Variants in EPHB1 observed in about 807,000 individuals in gnomAD.
EPHB1 encodes ephrin type-B receptor 1.
In EPHB1, 30 loss-of-function variants were observed where a neutral mutation model predicts 94.4. The observed-to-expected ratio is 0.32, with a 90% CI of 0.24 to 0.43. The LOEUF (loss-of-function observed/expected upper bound fraction) is 0.43, where lower values mean the gene tolerates loss of function less well. EPHB1 is among the 20% of genes least tolerant of loss of function. The pLI, the probability that EPHB1 is intolerant of heterozygous loss-of-function variation, is 1.00. For missense variants in EPHB1, 1,055 were observed against 1,308.3 expected, an observed-to-expected ratio of 0.81 and a Z score of 2.99; for synonymous variants, 522 against 489.1, an observed-to-expected ratio of 1.07 and a Z score of -0.89.
intron 4 of EPHB1, among the ~76,000 whole-genome samples, chr3:135,131,876 C>G (rs73862020): frequency 0.043 from 6,544 of 152,178 alleles, 469 homozygotes; most frequent in African/African-American, 0.15. Context: ...TTTGGAATCC[C>G]GCAGGTATGG....
chr3:134,956,682 T>C (rs556041574), intron 3 of EPHB1, among the ~76,000 whole-genome samples: 6 of 152,256 alleles, frequency 3.9e-5, no homozygotes, highest in East Asian at 1.9e-4. Context: ...TCCCTTTTCA[T>C]TGACAGTCAT....
At chr3:134,921,715 G>C (rs1460071409) in intron 1 of EPHB1, among the ~76,000 whole-genome samples, 1 of 152,206 alleles carries the variant, frequency 6.6e-6, no homozygotes, top group African/African-American at 2.4e-5. Context: ...CATAGCTAAA[G>C]AGACTAAAAC....
chr3:135,083,198 G>T (rs1218533955), intron 3 of EPHB1, among the ~76,000 whole-genome samples: 1 of 152,154 alleles, frequency 6.6e-6, no homozygotes, highest in East Asian at 1.9e-4. Context: ...TCATGTCAGG[G>T]CATTGGGCTC....
At chr3:134,832,496 C>T (rs1282041644) in intron 1 of EPHB1, among the ~76,000 whole-genome samples, 1 of 152,332 alleles carries the variant, frequency 6.6e-6, no homozygotes, top group South Asian at 2.1e-4. Context: ...TGTCTTCTGG[C>T]TTCAGTCACC....
intron 5 of EPHB1, among the ~76,000 whole-genome samples, chr3:135,143,833 A>T (rs1940913627): frequency 6.6e-6 from 1 of 152,198 alleles, no homozygotes; most frequent in Admixed American, 6.5e-5. Flanking sequence ...TAGTTTTCAC[A>T]TAAATGGCAC....
At chr3:135,093,956 C>T (rs1054875110) in intron 3 of EPHB1, among the ~76,000 whole-genome samples, 3 of 152,184 alleles carry the variant, frequency 2.0e-5, no homozygotes, top group Non-Finnish European at 4.4e-5. Flanking sequence ...TATGGATGCA[C>T]TATAATTTAT....
Position 135,183,660 on chromosome 3 carries a change from T to A in EPHB1, c.1882+3678T>A, listed in dbSNP as rs74397855. On this transcript the variant is annotated intron_variant, in intron 10 of 15. Coordinates refer to ENST00000398015, the MANE Select transcript of EPHB1 (RefSeq NM_004441.5). ...TAGCCCTGGAGATGGGAGAGAAGGC[T>A]TGATGGCAGGAGAGGACTCAGGGAA... 4.8e-3 allele frequency among the ~76,000 whole-genome samples: 736 copies of A among 152,188 alleles called. 6 individuals carry two copies. The highest frequency in any genetic ancestry group is 0.017 in the African/African-American group (690 of 41,536).
At chr3:134,961,772 T>C (rs981018318) in intron 3 of EPHB1, among the ~76,000 whole-genome samples, 3 of 152,246 alleles carry the variant, frequency 2.0e-5, no homozygotes, top group Admixed American at 1.3e-4. Flanking sequence ...TTTCATTGCA[T>C]GGATATATTT....
At chr3:135,068,681 C>T (rs1937619173) in intron 3 of EPHB1, among the ~76,000 whole-genome samples, 2 of 149,284 alleles carry the variant, frequency 1.3e-5, no homozygotes, top group South Asian at 4.3e-4. Context: ...CTGAGTCTTG[C>T]TCTGTCACCC....
At chr3:135,236,047 T>C (rs1434811522) in intron 12 of EPHB1, among the ~76,000 whole-genome samples, 1 of 152,228 alleles carries the variant, frequency 6.6e-6, no homozygotes, top group Non-Finnish European at 1.5e-5. Flanking sequence ...ATACTCAATG[T>C]ATTAGTTTCT....
Position 134,909,056 on chromosome 3 carries a change from C to T in EPHB1, c.59-16760C>T, listed in dbSNP as rs925298470. Reference sequence around the variant, plus strand: ...GCTGGGCTGATCAGACCCCGTGGAGCATATAGAGCTCAGCAATGGGTGCTG... The same window carrying T: ...GCTGGGCTGATCAGACCCCGTGGAGTATATAGAGCTCAGCAATGGGTGCTG... On this transcript the variant is annotated intron_variant, in intron 1 of 15. Transcript: ENST00000398015. Among the ~76,000 whole-genome samples, 132 of 135,300 alleles carry T rather than the reference C, an allele frequency of 9.8e-4. 2 individuals are homozygous for T. Among genetic ancestry groups the T allele is most frequent in the African/African-American group, 3.6e-3 (126 of 35,416 alleles). 88.8% of individuals were successfully genotyped at this position (135,300 alleles called of 152,430 possible). A position where few individuals can be genotyped will look rare whatever the true frequency, so the allele number is the denominator to read the frequency against.
intron 5 of EPHB1, among the ~76,000 whole-genome samples, chr3:135,139,879 A>G (rs1166779740): frequency 1.3e-5 from 2 of 152,172 alleles, no homozygotes; most frequent in Non-Finnish European, 2.9e-5. Flanking sequence ...CTCCTTGTGG[A>G]TGGATATCAC....
At chr3:135,226,040 A>C (rs1288314971) in intron 12 of EPHB1, among the ~76,000 whole-genome samples, 1 of 152,238 alleles carries the variant, frequency 6.6e-6, no homozygotes, top group Non-Finnish European at 1.5e-5. Flanking sequence ...CATTTGCTAA[A>C]GCCTAAATCT....
intron 4 of EPHB1, among the ~76,000 whole-genome samples, chr3:135,110,403 C>T (rs965254106): frequency 1.3e-5 from 2 of 152,156 alleles, no homozygotes; most frequent in African/African-American, 4.8e-5. Flanking sequence ...TCGGGGTTTC[C>T]CTGGAGGCCA....
intron 1 of EPHB1, among the ~76,000 whole-genome samples, chr3:134,822,654 C>T (rs1450132311): frequency 6.6e-6 from 1 of 152,220 alleles, no homozygotes; most frequent in African/African-American, 2.4e-5. Flanking sequence ...CACCATCCTG[C>T]ACCAAAGTGC....
chr3:134,985,581 A>G (rs1399366021), intron 3 of EPHB1, among the ~76,000 whole-genome samples: 2 of 152,042 alleles, frequency 1.3e-5, no homozygotes, highest in African/African-American at 4.8e-5. Context: ...TTCTGTATCT[A>G]CTCTACCACT....
chr3:135,114,742 T>TAAATA (rs1231880590), intron 4 of EPHB1, among the ~76,000 whole-genome samples: 3 of 148,482 alleles, frequency 2.0e-5, no homozygotes, highest in Non-Finnish European at 4.5e-5. Flanking sequence ...AATAAATAAA[T>TAAATA]AAATAAATAA....
At chr3:135,188,195 TA>T (rs202069329) in intron 10 of EPHB1, among the ~76,000 whole-genome samples, 1 of 134,996 alleles carries the variant, frequency 7.4e-6, no homozygotes, top group African/African-American at 2.7e-5. Flanking sequence ...CGAGACTGTC[TA>T]AAAAAATAAA....
intron 6 of EPHB1, among the ~76,000 whole-genome samples, chr3:135,154,777 C>T (rs989594428): frequency 1.3e-5 from 2 of 152,060 alleles, no homozygotes; most frequent in Non-Finnish European, 2.9e-5. Flanking sequence ...TAAAAATTAA[C>T]AGAAATATAA....
Sources: allele counts gnomAD v4.1 joint callset (sites outside exome capture counted in the v4.1 genomes callset), GRCh38; gene constraint gnomAD v4.1.1; transcripts MANE v1.5; gene names NCBI Gene and HGNC (gene_info 2026-07-23, HGNC 2026-07-21).